Variants in PCDHGA10 observed in about 807,000 individuals in gnomAD.
The protein encoded by PCDHGA10 is protocadherin gamma-A10.
A neutral mutation model predicts 59.5 loss-of-function variants in PCDHGA10; 42 were observed. That is an observed-to-expected ratio of 0.71 (90% CI 0.55 to 0.91). The LOEUF is 0.91. PCDHGA10 is among the 40% of genes least tolerant of loss of function. The pLI is 0.00. For synonymous variants in PCDHGA10, 511 were observed against 517.2 expected (o/e 0.99, Z 0.16); for missense variants, 1,111 against 1,198.2 (o/e 0.93, Z 1.07).
intron 1 of PCDHGA10, among the ~76,000 whole-genome samples, chr5:141,459,880 C>G (rs1240703946): frequency 6.6e-6 from 1 of 152,134 alleles, no homozygotes; most frequent in Non-Finnish European, 1.5e-5. Context: ...TTTAACTGAG[C>G]TGAACGCCTT....
chr5:141,424,082 C>T (rs2096798510), intron 1 of PCDHGA10: 2 of 957,226 alleles, frequency 2.1e-6, no homozygotes, highest in East Asian at 1.1e-4. Flanking sequence ...TTATATTCCA[C>T]CATTATTTGC....
chr5:141,480,955 G>A (rs2154578440), intron 1 of PCDHGA10, among the ~76,000 whole-genome samples: 1 of 152,304 alleles, frequency 6.6e-6, no homozygotes, highest in South Asian at 2.1e-4. Context: ...TGAGGCGGAA[G>A]CATCAGTGAG....
chr5:141,487,810 C>G lies in PCDHGA10; in HGVS notation c.2437-6997C>G, dbSNP rs377060474. ...ATTAACCAGAGTTGTCACAGTTTAGCATTGGGGGCGGGTCATGCCTATATC... is the reference window on the plus strand; with the variant it reads ...ATTAACCAGAGTTGTCACAGTTTAGGATTGGGGGCGGGTCATGCCTATATC... On this transcript the variant is annotated intron_variant, in intron 1 of 3. Coordinates refer to ENST00000398610, the MANE Select transcript of PCDHGA10 (RefSeq NM_018913.3). The surrounding 1 kb of genome is among the most constrained non-coding windows in gnomAD (Gnocchi z 5.0). 7.1e-7 allele frequency: 1 copy of G among 1,417,854 alleles called. No homozygotes were observed. The highest frequency in any genetic ancestry group is 2.1e-5 in the Admixed American group (1 of 47,076). The allele number at this position is 1,417,854 out of a possible 1,614,324, so 87.8% of individuals were successfully genotyped here.
At position 141,431,982 on chromosome 5, in the gene PCDHGA10, T is replaced by G. The variant is rs2097433926; in HGVS notation, c.2436+16371T>G. The G allele has an allele frequency of 6.2e-7, 1 of 1,614,212 alleles. No homozygotes were observed. Among genetic ancestry groups the G allele is most frequent in the African/African-American group, 1.3e-5 (1 of 75,056 alleles). ...AATTACTATAGTTTAGTCACAGACA[T>G]AGTCTTGGATAGGGAACAGGTTCCT... On this transcript the variant is annotated intron_variant, in intron 1 of 3. Transcript: ENST00000398610. The surrounding 1 kb of genome is among the most constrained non-coding windows in gnomAD (Gnocchi z 4.8).
rs1481171398 is a variant in PCDHGA10 at position 141,455,879 on chromosome 5, ATTT to A, written c.2437-38927_2437-38925del. 3.8e-4 allele frequency among the ~76,000 whole-genome samples: 56 copies of A among 147,786 alleles called. No individual in the cohort carries two copies. In the East Asian group the frequency reaches 8.9e-3, roughly 23 times the overall value. On this transcript the variant is annotated intron_variant, in intron 1 of 3. Coordinates refer to ENST00000398610, the MANE Select transcript of PCDHGA10 (RefSeq NM_018913.3). ...TCTTTTATTATTTATTTATTTATTTATTTATTTATTTATTTATTTATTTATTTA... is the reference window on the plus strand; with the variant it reads ...TCTTTTATTATTTATTTATTTATTTAATTTATTTATTTATTTATTTATTTA...
chr5:141,470,680 T>C (rs1212361233), intron 1 of PCDHGA10, among the ~76,000 whole-genome samples: 1 of 152,090 alleles, frequency 6.6e-6, no homozygotes, highest in Non-Finnish European at 1.5e-5. Context: ...GCTGTTACCA[T>C]CTTGAAATTC....
At chr5:141,474,115 G>A (rs1404490690) in intron 1 of PCDHGA10, among the ~76,000 whole-genome samples, 2 of 152,062 alleles carry the variant, frequency 1.3e-5, no homozygotes, top group South Asian at 2.1e-4. Context: ...CAACAACAAC[G>A]AAAATCTCAG....
chr5:141,495,276 G>A (rs1350329744), intron 2 of PCDHGA10, among the ~76,000 whole-genome samples: 1 of 152,190 alleles, frequency 6.6e-6, no homozygotes, highest in East Asian at 1.9e-4. Flanking sequence ...GACCGGAGGA[G>A]GCGGTCCGCA....
In PCDHGA10 at chr5:141,431,183, A is replaced by G. The variant is rs1467232519; in HGVS notation, c.2436+15572A>G. Reference sequence around the variant, plus strand: ...TCGTGAAAGTGAATTAGAAATAAAAATTAGTGAAAATGCAGCCACTGAGAT... The same window carrying G: ...TCGTGAAAGTGAATTAGAAATAAAAGTTAGTGAAAATGCAGCCACTGAGAT... On this transcript the variant is annotated intron_variant, in intron 1 of 3. Transcript: ENST00000398610. The surrounding 1 kb of genome is among the most constrained non-coding windows in gnomAD (Gnocchi z 4.8). 1 of 1,614,218 alleles carries G rather than the reference A, an allele frequency of 6.2e-7. No individual in the cohort carries two copies. The highest frequency in any genetic ancestry group is 2.2e-5 in the East Asian group (1 of 44,880).
chr5:141,473,700 C>G (rs1474416849), intron 1 of PCDHGA10, among the ~76,000 whole-genome samples: 1 of 152,148 alleles, frequency 6.6e-6, no homozygotes, highest in Non-Finnish European at 1.5e-5. Context: ...GACCACCCTC[C>G]AAGTGGTGCA....
In PCDHGA10 at chr5:141,414,435, C is replaced by G. The variant is rs891322256; in HGVS notation, c.1260C>G (p.Ser420=). The G allele has an allele frequency of 1.2e-6, 2 of 1,613,678 alleles. No individual in the cohort carries two copies. The highest frequency in any genetic ancestry group is 1.3e-5 in the African/African-American group (1 of 74,918). Residue 420 remains serine (S), a synonymous_variant, in exon 1 of 4, where the codon TCC becomes TCG. Transcript: ENST00000398610. ...IHRALDREQV[S]SYNITVTATD... ...GAGCCCTTGACAGGGAACAGGTATC[C>G]TCTTACAATATCACAGTGACAGCCA...
intron 1 of PCDHGA10, chr5:141,422,102 T>A: frequency 6.2e-7 from 1 of 1,609,526 alleles, no homozygotes; most frequent in Non-Finnish European, 8.5e-7. Context: ...GCTTCTGAAA[T>A]ATTCCAATTG....
chr5:141,452,951 G>T (rs1397204185), intron 1 of PCDHGA10, among the ~76,000 whole-genome samples: 13 of 152,154 alleles, frequency 8.5e-5, no homozygotes, highest in Admixed American at 8.5e-4. Context: ...GCAATTGGTT[G>T]TCTTTAAACT....
chr5:141,495,103 C>T (rs1383918796), intron 2 of PCDHGA10, among the ~76,000 whole-genome samples: 2 of 152,132 alleles, frequency 1.3e-5, no homozygotes, highest in Non-Finnish European at 2.9e-5. Context: ...TCGCCACGAC[C>T]GGCACCTTTT....
At chr5:141,422,618 A>G in intron 1 of PCDHGA10, 3 of 1,613,682 alleles carry the variant, frequency 1.9e-6, no homozygotes, top group Non-Finnish European at 2.5e-6. Flanking sequence ...TACATTCCCG[A>G]AAACAACCCC....
chr5:141,497,960 C>T (rs946836523), intron 2 of PCDHGA10, among the ~76,000 whole-genome samples: 24 of 152,202 alleles, frequency 1.6e-4, no homozygotes, highest in African/African-American at 5.8e-4. Flanking sequence ...GTTGGCCAGG[C>T]AGTGTTCTCG....
Position 141,415,493 on chromosome 5 carries a change from T to C in PCDHGA10, c.2318T>C (p.Ile773Thr), listed in dbSNP as rs1312874620. 1 of 1,614,108 alleles carries C rather than the reference T, an allele frequency of 6.2e-7. No individual in the cohort carries two copies. Among genetic ancestry groups the C allele is most frequent in the Non-Finnish European group, 8.5e-7 (1 of 1,180,044 alleles). The change falls in exon 1 of 4, where the codon ATC becomes ACC. Residue 773 changes from isoleucine (I) to threonine (T), a missense_variant. By Grantham distance (89) the Ile-to-Thr change is moderately conservative. Coordinates refer to ENST00000398610, the MANE Select transcript of PCDHGA10 (RefSeq NM_018913.3). ...LTADSRKSHL[I>T]FPQPNYADTL... The stretch of plus-strand genomic sequence containing the variant: ...GCGGACTCGCGAAAGAGTCACCTGA[T>C]CTTCCCCCAGCCCAATTATGCGGAC...
At chr5:141,426,937 C>T in intron 1 of PCDHGA10, 1 of 456,736 alleles carries the variant, frequency 2.2e-6, no homozygotes, top group Non-Finnish European at 4.4e-6. Flanking sequence ...ATGGGTGACC[C>T]AGTCCCAACT....
intron 1 of PCDHGA10, among the ~76,000 whole-genome samples, chr5:141,450,776 C>T (rs757791026): frequency 4.0e-5 from 6 of 151,440 alleles, no homozygotes; most frequent in Non-Finnish European, 8.8e-5. Context: ...CATGAGCCAC[C>T]GTGCCCGGAC....
Sources: allele counts gnomAD v4.1 joint callset (sites outside exome capture counted in the v4.1 genomes callset), GRCh38; gene constraint gnomAD v4.1.1; non-coding constraint Gnocchi (gnomAD v3.1); transcripts MANE v1.5; gene names NCBI Gene and HGNC (gene_info 2026-07-23, HGNC 2026-07-21).